Variants in EEA1 observed in about 807,000 individuals in gnomAD.
EEA1 encodes early endosome antigen 1.
EEA1 carries 111 observed loss-of-function variants against 209.2 expected under a neutral mutation model. The ratio of observed to expected loss-of-function variants is 0.53; its 90% confidence interval spans 0.45 to 0.62. The LOEUF (loss-of-function observed/expected upper bound fraction) is 0.62, where lower values mean the gene tolerates loss of function less well. EEA1 is among the 20% of genes least tolerant of loss of function. The pLI is 0.00. For missense variants in EEA1, 1,343 were observed against 1,530.8 expected, an observed-to-expected ratio of 0.88 and a Z score of 2.05; for synonymous variants, 536 against 540.6, an observed-to-expected ratio of 0.99 and a Z score of 0.12.
Position 92,884,531 on chromosome 12 carries a change from G to T in EEA1, c.117+7098C>A, listed in dbSNP as rs1254276408. ...AGGTGGTGGAAGCTACAATGATTTT[G>T]GCAATTACAACAATCAGTCTTCAAA... On this transcript the variant is annotated intron_variant, in intron 2 of 28. Coordinates refer to ENST00000322349, the MANE Select transcript of EEA1 (RefSeq NM_003566.4). The T allele has an allele frequency of 4.0e-6, 6 of 1,486,570 alleles. No individual in the cohort carries two copies. The African/African-American group carries it at 8.3e-5, about 21-fold the overall frequency. 92.1% of individuals were successfully genotyped at this position (1,486,570 alleles called of 1,614,324 possible).
At chr12:92,853,347 C>T (rs925707956) in intron 6 of EEA1, among the ~76,000 whole-genome samples, 1 of 152,040 alleles carries the variant, frequency 6.6e-6, no homozygotes, top group Non-Finnish European at 1.5e-5. Context: ...GAATACACCC[C>T]TTATCTTTTT....
chr12:92,793,542 G>C (rs924976608), intron 21 of EEA1, among the ~76,000 whole-genome samples: 4 of 152,142 alleles, frequency 2.6e-5, no homozygotes, highest in African/African-American at 7.2e-5. Flanking sequence ...TTGCTACAAA[G>C]AGAATAAAAT....
intron 22 of EEA1, among the ~76,000 whole-genome samples, chr12:92,787,482 A>C (rs1874183889): frequency 6.6e-6 from 1 of 152,134 alleles, no homozygotes; most frequent in Non-Finnish European, 1.5e-5. Flanking sequence ...GGAACTTGAC[A>C]AATATTATAA....
chr12:92,880,055 A>G (rs1042206536), intron 2 of EEA1, among the ~76,000 whole-genome samples: 1 of 152,224 alleles, frequency 6.6e-6, no homozygotes, highest in African/African-American at 2.4e-5. Context: ...TTTTGTTCCC[A>G]AATGTAATCT....
rs1565814097 is a variant in EEA1 at position 92,802,606 on chromosome 12, G to A, written c.2468C>T (p.Thr823Ile). 2.5e-6 allele frequency: 4 copies of A among 1,602,382 alleles called. No homozygotes were observed. The highest frequency in any genetic ancestry group is 3.4e-6 in the Non-Finnish European group (4 of 1,176,556). The stretch of plus-strand genomic sequence containing the variant: ...ATTCAATTCCTCATGCTGAATCTTT[G>A]TTTCTTGACTTAAAGTTTCAAAATC... ...KQDFETLSQE[T>I]KIQHEELNNR... The change falls in exon 19 of 29, where the codon ACA (threonine) becomes ATA (isoleucine). Residue 823 changes from threonine to isoleucine, a missense_variant. Around this residue, in one of 3 missense-constraint regions of EEA1, gnomAD observed 1,307 missense variants for 1,465.5 expected, o/e 0.89. Transcript: ENST00000322349.
intron 8 of EEA1, 43 bp downstream of exon 8, chr12:92,852,132 G>C: frequency 7.1e-6 from 10 of 1,400,222 alleles, no homozygotes; most frequent in Non-Finnish European, 9.4e-6. Flanking sequence ...TTTTAATTTA[G>C]AAAGGTATAA....
intron 20 of EEA1, 48 bp downstream of exon 20, chr12:92,801,552 G>A: frequency 8.4e-7 from 1 of 1,185,458 alleles, no homozygotes; most frequent in Non-Finnish European, 1.2e-6. Context: ...AAAATATAAA[G>A]ACCTTACTAT....
intron 21 of EEA1, among the ~76,000 whole-genome samples, chr12:92,796,132 T>C (rs1180065732): frequency 1.3e-5 from 2 of 152,136 alleles, no homozygotes; most frequent in African/African-American, 4.8e-5. Flanking sequence ...TGCTCCATTA[T>C]ATAATACAGT....
At chr12:92,828,186 T>TG (rs1354735034) in intron 11 of EEA1, 125 bp from the exon 12 acceptor site, 7 of 682,112 alleles carry the variant, frequency 1.0e-5, no homozygotes, top group Middle Eastern at 3.5e-4. Flanking sequence ...CGTGATACTT[T>TG]GGGGAAACCT....
At chr12:92,866,064 C>T (rs959466056) in intron 2 of EEA1, among the ~76,000 whole-genome samples, 1 of 151,556 alleles carries the variant, frequency 6.6e-6, no homozygotes, top group Non-Finnish European at 1.5e-5. Context: ...TGGTGGCACA[C>T]ACGTGTAGTC....
At chr12:92,913,065 G>A (rs957459484) in intron 1 of EEA1, among the ~76,000 whole-genome samples, 1 of 152,132 alleles carries the variant, frequency 6.6e-6, no homozygotes, top group African/African-American at 2.4e-5. Flanking sequence ...ACCCAGTACT[G>A]GGACTGCTGG....
intron 7 of EEA1, 151 bp downstream of exon 7, chr12:92,852,761 A>C: frequency 3.7e-5 from 18 of 485,720 alleles, no homozygotes; most frequent in East Asian, 6.6e-5. Flanking sequence ...TTTACATAGC[A>C]ACTCTGAAAT....
intron 1 of EEA1, 110 bp downstream of exon 1, chr12:92,928,933 G>T: frequency 8.4e-7 from 1 of 1,196,460 alleles, no homozygotes; most frequent in South Asian, 1.5e-5. Flanking sequence ...GCCGGGCTGT[G>T]GGGCCTAGGG....
At position 92,776,940 on chromosome 12, in the gene EEA1, G is replaced by T. The variant is rs1227296688; in HGVS notation, c.4017C>A (p.Ile1339=). ...TTCTATTCAACGCTTGTGTATGTTTGATCTGTTTTTTAAAGAAGTATCGAT... is the reference window on the plus strand; with the variant it reads ...TTCTATTCAACGCTTGTGTATGTTTTATCTGTTTTTTAAAGAAGTATCGAT... ...ELGRENQSLQ[I]KHTQALNRKW... Residue 1339 remains isoleucine, a splice_region_variant and synonymous_variant, in exon 28 of 29, where the codon ATC becomes ATA. Transcript: ENST00000322349. 1.9e-6 allele frequency: 3 copies of T among 1,611,002 alleles called. No individual in the cohort carries two copies. The highest frequency in any genetic ancestry group is 2.5e-6 in the Non-Finnish European group (3 of 1,177,966).
intron 1 of EEA1, 134 bp downstream of exon 1, chr12:92,928,909 A>C: frequency 2.3e-5 from 16 of 706,358 alleles, no homozygotes; most frequent in East Asian, 4.5e-5. Flanking sequence ...CGGGCGACCG[A>C]GGCCTAAGCG....
At chr12:92,865,099 G>A in intron 2 of EEA1, 112 bp from the exon 3 acceptor site, 1 of 793,808 alleles carries the variant, frequency 1.3e-6, no homozygotes. Flanking sequence ...GGTGCCATTA[G>A]GTAAATTTTA....
In EEA1 at chr12:92,842,487, T is replaced by G; in HGVS notation, c.893A>C (p.Asn298Thr). The change falls in exon 10 of 29, where the codon AAT becomes ACT. Residue 298 changes from asparagine (N) to threonine (T), a missense_variant. Around this residue, in one of 3 missense-constraint regions of EEA1, gnomAD observed 1,307 missense variants for 1,465.5 expected, o/e 0.89. Coordinates refer to ENST00000322349, the MANE Select transcript of EEA1 (RefSeq NM_003566.4). ...QELQKLKSSV[N>T]ELTQKNQTLT... ...CACCTGATTTTTTTGTGTTAATTCATTAACTGAACTTTTCAGTTTTTGTAG... is the reference window on the plus strand; with the variant it reads ...CACCTGATTTTTTTGTGTTAATTCAGTAACTGAACTTTTCAGTTTTTGTAG... The G allele has an allele frequency of 6.3e-7, 1 of 1,594,338 alleles. No individual in the cohort carries two copies. Among genetic ancestry groups the G allele is most frequent in the South Asian group, 1.1e-5 (1 of 88,568 alleles).
At chr12:92,859,501 G>A (rs1251592719) in intron 3 of EEA1, among the ~76,000 whole-genome samples, 1 of 152,166 alleles carries the variant, frequency 6.6e-6, no homozygotes, top group African/African-American at 2.4e-5. Context: ...GTGAGCATAG[G>A]TGATCCATGT....
chr12:92,921,877 AAAAAAAAAAG>A (rs1881020910), intron 1 of EEA1, among the ~76,000 whole-genome samples: 2 of 150,458 alleles, frequency 1.3e-5, no homozygotes, highest in African/African-American at 4.9e-5. Context: ...AAAAAAAAAA[AAAAAAAAAAG>A]AAAAAAAGAA....
Sources: allele counts gnomAD v4.1 joint callset (sites outside exome capture counted in the v4.1 genomes callset), GRCh38; gene constraint gnomAD v4.1.1; regional missense constraint gnomAD v4.1.1; transcripts MANE v1.5; gene names NCBI Gene and HGNC (gene_info 2026-07-23, HGNC 2026-07-21).